FBXO31: variants seen among roughly 807,000 people sequenced by gnomAD.
The protein encoded by FBXO31 is F-box only protein 31.
A neutral mutation model predicts 54.4 loss-of-function variants in FBXO31; 24 were observed. That is an observed-to-expected ratio of 0.44 (90% CI 0.32 to 0.62). The LOEUF (loss-of-function observed/expected upper bound fraction) is 0.62, where lower values mean the gene tolerates loss of function less well. Ranked by LOEUF, FBXO31 falls within the 20% of genes least tolerant of loss-of-function variation. The probability of loss-of-function intolerance (pLI) is 0.05; values close to 1 mark genes in which losing one functional copy is unlikely to be tolerated. For missense variants in FBXO31, 665 were observed against 787.1 expected, an observed-to-expected ratio of 0.84 and a Z score of 1.86; for synonymous variants, 388 against 335.6, an observed-to-expected ratio of 1.16 and a Z score of -1.71.
rs145589459 is a variant in FBXO31, at chr16:87,333,935, C to T, written c.1348G>A (p.Val450Met). 1.4e-5 allele frequency: 23 copies of T among 1,611,876 alleles called. No individual in the cohort carries two copies. Among genetic ancestry groups the T allele is most frequent in the African/African-American group, 4.0e-5 (3 of 75,028 alleles). Residue 450 changes from valine to methionine, a missense_variant, in exon 8 of 9, where the codon GTG (valine) becomes ATG (methionine). Val to Met is a conservative substitution (Grantham distance 21). This residue lies in a region of FBXO31 where 165 missense variants were observed against 159.7 expected (regional missense o/e 1.03). Coordinates refer to ENST00000311635, the MANE Select transcript of FBXO31 (RefSeq NM_024735.5). ...TCCTCATTCCTGGAGCTCACGCCCA[C>T]GGGCAGCACGAACGGCTGCCCCTGC... ...CGQGQPFVLP[V>M]GVSSRNEDYP...
At chr16:87,357,707 G>C (rs1053666293) in intron 2 of FBXO31, among the ~76,000 whole-genome samples, 1 of 152,170 alleles carries the variant, frequency 6.6e-6, no homozygotes, top group East Asian at 1.9e-4. Flanking sequence ...AACTCTGGGA[G>C]GCCGAGATGG....
At chr16:87,381,623 G>A (rs889711470) in intron 1 of FBXO31, among the ~76,000 whole-genome samples, 1 of 152,194 alleles carries the variant, frequency 6.6e-6, no homozygotes, top group African/African-American at 2.4e-5. Context: ...TGGAGAAAGG[G>A]TTCTTCTCAT....
chr16:87,365,018 T>TATATATATATAC (rs1285550780), intron 1 of FBXO31, among the ~76,000 whole-genome samples: 1 of 94,474 alleles, frequency 1.1e-5, no homozygotes, highest in Admixed American at 1.2e-4. Context: ...TAAATATATA[T>TATATATATATAC]ATATATATAT....
chr16:87,364,258 C>T (rs547473910), intron 1 of FBXO31, among the ~76,000 whole-genome samples: 1 of 152,348 alleles, frequency 6.6e-6, no homozygotes, highest in East Asian at 1.9e-4. Flanking sequence ...GGAGGGCTGA[C>T]CCCAGGGAAA....
Position 87,338,673 on chromosome 16 carries a change from G to A in FBXO31, c.733-2409C>T, listed in dbSNP as rs1451070952. 6.6e-6 allele frequency among the ~76,000 whole-genome samples: 1 copy of A among 152,146 alleles called. No homozygotes were observed. Among genetic ancestry groups the A allele is most frequent in the African/African-American group, 2.4e-5 (1 of 41,430 alleles). Reference sequence around the variant, plus strand: ...TGGGTACAAGGAATGGCCTCCCGGGGTGGGGGTGACCCACACAGAGATGCA... The same window carrying A: ...TGGGTACAAGGAATGGCCTCCCGGGATGGGGGTGACCCACACAGAGATGCA... On this transcript the variant is annotated intron_variant, in intron 5 of 8. Coordinates refer to ENST00000311635, the MANE Select transcript of FBXO31 (RefSeq NM_024735.5). The surrounding 1 kb of genome is among the most constrained non-coding windows in gnomAD (Gnocchi z 4.3).
At chr16:87,380,675 A>G (rs1445751585) in intron 1 of FBXO31, among the ~76,000 whole-genome samples, 1 of 152,230 alleles carries the variant, frequency 6.6e-6, no homozygotes, top group Non-Finnish European at 1.5e-5. Context: ...TCTCAAAATG[A>G]GAATTCTCAC....
rs1361137993 is a variant in FBXO31 at position 87,329,043 on chromosome 16, T to C, written c.*2245A>G. 1 of 152,248 alleles carries C rather than the reference T, an allele frequency of 6.6e-6. No individual in the cohort carries two copies. Among genetic ancestry groups the C allele is most frequent in the Non-Finnish European group, 1.5e-5 (1 of 68,056 alleles). The allele number at this position is 152,248 out of a possible 1,614,324, so 9.4% of individuals were successfully genotyped here. A position where few individuals can be genotyped will look rare whatever the true frequency, so the allele number is the denominator to read the frequency against. On this transcript the variant is annotated 3_prime_UTR_variant, in exon 9 of 9. Coordinates refer to ENST00000311635, the MANE Select transcript of FBXO31 (RefSeq NM_024735.5). ...AAGCTGCTGTTTTGAGGCGCGCAGA[T>C]TCAGTGCCTGTCCCTACAGAACCGG...
intron 1 of FBXO31, chr16:87,389,564 G>A (rs1457068201): frequency 6.6e-6 from 1 of 152,130 alleles, no homozygotes; most frequent in Non-Finnish European, 1.5e-5. Context: ...TCCAGCAAGA[G>A]AAAGAAAAAG....
At position 87,330,080 on chromosome 16, in the gene FBXO31, T is replaced by A. The variant is rs1904794490; in HGVS notation, c.*1208A>T. The A allele has an allele frequency of 2.0e-5, 3 of 152,384 alleles. No homozygotes were observed. The highest frequency in any genetic ancestry group is 4.4e-5 in the Non-Finnish European group (3 of 68,182). The allele number at this position is 152,384 out of a possible 1,614,324, so 9.4% of individuals were successfully genotyped here. On this transcript the variant is annotated 3_prime_UTR_variant, in exon 9 of 9. Transcript: ENST00000311635. ...GGGAAGGCTCGCTGGGGACGCCCAC[T>A]CGGGCACGGAGCTGGCTGTGGGCTG...
chr16:87,350,147 TG>T (rs1678193113), intron 2 of FBXO31, among the ~76,000 whole-genome samples: 2 of 151,736 alleles, frequency 1.3e-5, no homozygotes, highest in Admixed American at 1.3e-4. Flanking sequence ...GTGGGGGCCA[TG>T]GGGGTTTCGG....
At position 87,383,530 on chromosome 16, in the gene FBXO31, G is replaced by C; in HGVS notation, c.215C>G (p.Pro72Arg). The change falls in exon 1 of 9, where the codon CCC (proline) becomes CGC (arginine). Residue 72 changes from proline to arginine, a missense_variant. Pro to Arg is a moderately radical substitution (Grantham distance 103). Coordinates refer to ENST00000311635, the MANE Select transcript of FBXO31 (RefSeq NM_024735.5). The surrounding 1 kb of genome is among the most constrained non-coding windows in gnomAD (Gnocchi z 4.9). The part of the protein sequence containing the change: ...PPRCSLLELP[P>R]ELLVEIFASL... Reference sequence around the variant, plus strand: ...CGCGAAGATCTCCACCAGCAGCTCGGGCGGCAGCTCCAGCAGCGAGCAGCG... The same window carrying C: ...CGCGAAGATCTCCACCAGCAGCTCGCGCGGCAGCTCCAGCAGCGAGCAGCG... 6.3e-7 allele frequency: 1 copy of C among 1,580,472 alleles called. No homozygotes were observed. Among genetic ancestry groups the C allele is most frequent in the Non-Finnish European group, 8.6e-7 (1 of 1,167,978 alleles).
chr16:87,354,105 A>G (rs181102548), intron 2 of FBXO31, among the ~76,000 whole-genome samples: 329 of 152,384 alleles, frequency 2.2e-3, no homozygotes, highest in Non-Finnish European at 2.7e-3. Flanking sequence ...AAGGCACTCC[A>G]TATTTTTAGA....
intron 4 of FBXO31, 128 bp downstream of exon 4, chr16:87,343,470 A>G: frequency 8.7e-7 from 1 of 1,151,412 alleles, no homozygotes; most frequent in Non-Finnish European, 1.2e-6. Flanking sequence ...GGCAGGGCGG[A>G]GCCTCCCTCC....
upstream of FBXO31, among the ~76,000 whole-genome samples, chr16:87,387,437 AGT>A (rs1567494336): frequency 6.6e-6 from 1 of 152,230 alleles, no homozygotes; most frequent in Non-Finnish European, 1.5e-5. Context: ...CATCTAAGGA[AGT>A]AAGTCGAATA....
chr16:87,342,347 A>AAGG (rs2150673411), intron 5 of FBXO31, among the ~76,000 whole-genome samples: 1 of 152,232 alleles, frequency 6.6e-6, no homozygotes, highest in South Asian at 2.1e-4. Flanking sequence ...GAGCCACCGC[A>AAGG]CCTTCCTTCT....
chr16:87,371,905 T>G (rs556854338), intron 1 of FBXO31, among the ~76,000 whole-genome samples: 1 of 151,152 alleles, frequency 6.6e-6, no homozygotes, highest in East Asian at 1.9e-4. Flanking sequence ...AATTTTTTTT[T>G]TTTAAGTTAA....
At chr16:87,383,860 G>C (rs1309102005), upstream of FBXO31, 1 of 754,576 alleles carries the variant, frequency 1.3e-6, no homozygotes, top group Non-Finnish European at 1.7e-6. The surrounding 1 kb of genome is among the most constrained non-coding windows in gnomAD (Gnocchi z 4.9). Context: ...GGAGAGCCTA[G>C]CCCCGCCCCT....
chr16:87,371,718 G>C (rs187881024), intron 1 of FBXO31, among the ~76,000 whole-genome samples: 2 of 152,340 alleles, frequency 1.3e-5, no homozygotes, highest in Non-Finnish European at 2.9e-5. Context: ...ACAAACCCCA[G>C]ACCCTCAGAT....
chr16:87,333,809 G>T lies in FBXO31; in HGVS notation c.1397+77C>A, dbSNP rs1031388162. The T allele has an allele frequency of 3.3e-6, 5 of 1,492,694 alleles. No homozygotes were observed. The African/African-American group carries it at 5.6e-5, about 17-fold the overall frequency. The allele number at this position is 1,492,694 out of a possible 1,614,324, so 92.5% of individuals were successfully genotyped here. On this transcript the variant is annotated intron_variant, in intron 8 of 8. Coordinates refer to ENST00000311635, the MANE Select transcript of FBXO31 (RefSeq NM_024735.5). ...GAGGTCACAGGCCCTCTCCGCCTGTGCTAGGTGTGGGGCTGGGGCCCTCGC... is the reference window on the plus strand; with the variant it reads ...GAGGTCACAGGCCCTCTCCGCCTGTTCTAGGTGTGGGGCTGGGGCCCTCGC...
Sources: allele counts gnomAD v4.1 joint callset (sites outside exome capture counted in the v4.1 genomes callset), GRCh38; gene constraint gnomAD v4.1.1; regional missense constraint gnomAD v4.1.1; non-coding constraint Gnocchi (gnomAD v3.1); transcripts MANE v1.5; gene names NCBI Gene and HGNC (gene_info 2026-07-23, HGNC 2026-07-21).